The following HRG variants were observed in gnomAD, a reference collection of about 807,000 sequenced individuals.
HRG encodes histidine rich glycoprotein, also known as histidine-rich glycoprotein.
A neutral mutation model predicts 29.5 loss-of-function variants in HRG; 26 were observed. The ratio of observed to expected loss-of-function variants is 0.88; its 90% CI spans 0.65 to 1.22. The LOEUF (loss-of-function observed/expected upper bound fraction) is 1.22, where lower values mean the gene tolerates loss of function less well. Among genes scored for constraint, HRG ranks in the 50% most tolerant of loss-of-function variants. HRG has a pLI of 0.00. For missense variants in HRG, 671 were observed against 654.5 expected (o/e 1.03, Z -0.28); for synonymous variants, 243 against 240.4 (o/e 1.01, Z -0.10).
intron 5 of HRG, chr3:186,673,131 T>G: frequency 2.0e-6 from 1 of 511,018 alleles, no homozygotes; most frequent in Non-Finnish European, 3.6e-6. Context: ...GAGATGGAGT[T>G]TCGCTCTTGT....
chr3:186,668,949 A>G lies in HRG; in HGVS notation c.198A>G (p.Val66=). The G allele has an allele frequency of 2.5e-6, 4 of 1,599,796 alleles. No individual in the cohort carries two copies. The highest frequency in any genetic ancestry group is 3.4e-6 in the Non-Finnish European group (4 of 1,166,816). Residue 66 remains valine, a synonymous_variant, in exon 2 of 7, where the codon GTA becomes GTG. Transcript: ENST00000232003. ...GCATTCCTCAGGAAAATACAACTGT[A>G]TATTACTTAGTCTTAGATGTGCAAG... ...AHLDRVENTT[V]YYLVLDVQES...
intron 5 of HRG, chr3:186,673,190 G>T (rs1342230572): frequency 2.1e-5 from 8 of 377,140 alleles, no homozygotes; most frequent in Non-Finnish European, 3.6e-5. Flanking sequence ...TGCAACCTCC[G>T]CCTCCCGGGT....
intron 6 of HRG, 102 bp downstream of exon 6, chr3:186,675,292 T>TGA (rs1718936909): frequency 1.8e-6 from 1 of 546,806 alleles, no homozygotes; most frequent in African/African-American, 2.5e-5. Flanking sequence ...TGGGTGTGTG[T>TGA]GTGTGTGTGT....
intron 3 of HRG, among the ~76,000 whole-genome samples, chr3:186,671,258 CAT>C (rs1341814873): frequency 2.6e-4 from 38 of 145,100 alleles, no homozygotes; most frequent in African/African-American, 8.9e-4. Flanking sequence ...AATATAAAAA[CAT>C]ATGATATATT....
At chr3:186,676,059 G>A (rs1391708781) in intron 6 of HRG, among the ~76,000 whole-genome samples, 1 of 151,890 alleles carries the variant, frequency 6.6e-6, no homozygotes, top group African/African-American at 2.4e-5. Context: ...AGTAGAGAAG[G>A]GGTTTCTCCA....
chr3:186,669,725 G>C, intron 2 of HRG: 2 of 591,242 alleles, frequency 3.4e-6, no homozygotes, highest in Non-Finnish European at 6.1e-6. Context: ...ATAGTTTCTC[G>C]CTGGTTCTCC....
chr3:186,670,351 A>C (rs1455198726), intron 3 of HRG, among the ~76,000 whole-genome samples: 2 of 152,174 alleles, frequency 1.3e-5, no homozygotes, highest in Non-Finnish European at 2.9e-5. Context: ...TTGAGTCATC[A>C]TCTGCCAGTT....
intron 5 of HRG, 200 bp downstream of exon 5, chr3:186,673,067 G>A (rs184191434): frequency 4.7e-6 from 3 of 643,862 alleles, no homozygotes; most frequent in Non-Finnish European, 5.6e-6. Context: ...TACCTGCCAG[G>A]CACTCTTCTA....
intron 1 of HRG, chr3:186,667,255 C>T (rs1718642081): frequency 6.6e-6 from 1 of 152,114 alleles, no homozygotes; most frequent in Non-Finnish European, 1.5e-5. Flanking sequence ...GTCTTTATGG[C>T]CAGCTCCTAC....
chr3:186,677,784 T>C lies in HRG; in HGVS notation c.1479T>C (p.Asn493=). ...PHHKHPLKPD[N]QPFPQSVSES... ...ACAAACATCCTCTAAAGCCAGACAA[T>C]CAGCCCTTTCCTCAATCAGTCTCTG... Residue 493 remains asparagine (N), a synonymous_variant, in exon 7 of 7, where the codon AAT becomes AAC. Transcript: ENST00000232003. 6.2e-7 allele frequency: 1 copy of C among 1,614,102 alleles called. No individual in the cohort carries two copies. The highest frequency in any genetic ancestry group is 8.5e-7 in the Non-Finnish European group (1 of 1,179,942).
At chr3:186,667,601 G>A (rs1718654437) in intron 1 of HRG, among the ~76,000 whole-genome samples, 1 of 152,052 alleles carries the variant, frequency 6.6e-6, no homozygotes, top group Admixed American at 6.6e-5. Context: ...AGTAAGACTG[G>A]ATGGGAGGAG....
At position 186,669,920 on chromosome 3, in the gene HRG, A is replaced by T. The variant is rs115707463; in HGVS notation, c.301-18A>T. 658 of 1,381,688 alleles carry T rather than the reference A, an allele frequency of 4.8e-4. 2 individuals are homozygous for T. The African/African-American group carries it at 8.0e-3, about 17-fold the overall frequency. 85.6% of individuals were successfully genotyped at this position (1,381,688 alleles called of 1,614,324 possible). ...GATGCAATGACTCAGCAAGTCCTCA[A>T]GAGCCTCTTTCTTACAGGTGATCGG... On this transcript the variant is annotated intron_variant, in intron 2 of 6. Coordinates refer to ENST00000232003, the MANE Select transcript of HRG (RefSeq NM_000412.5).
At chr3:186,669,589 G>A in intron 2 of HRG, 1 of 379,388 alleles carries the variant, frequency 2.6e-6, no homozygotes, top group Non-Finnish European at 5.0e-6. Flanking sequence ...TGACACAGGT[G>A]GAGAACATGA....
rs144723131 is a variant in HRG, at chr3:186,676,163, C to T, written c.742-884C>T. On this transcript the variant is annotated intron_variant, in intron 6 of 6. Coordinates refer to ENST00000232003, the MANE Select transcript of HRG (RefSeq NM_000412.5). Reference sequence around the variant, plus strand: ...GGATTACAGACATGAGCCACCGTGCCCGGCCTCTGTAGCTATTTTTTAAAA... The same window carrying T: ...GGATTACAGACATGAGCCACCGTGCTCGGCCTCTGTAGCTATTTTTTAAAA... 3.9e-5 allele frequency among the ~76,000 whole-genome samples: 6 copies of T among 151,950 alleles called. No individual in the cohort carries two copies. In the East Asian group the frequency reaches 1.2e-3, roughly 29 times the overall value.
rs141595547 is a variant in HRG, at chr3:186,666,093, C to T, written c.62C>T (p.Pro21Leu). The T allele has an allele frequency of 2.0e-5, 33 of 1,614,122 alleles. No individual in the cohort carries two copies. In the Middle Eastern group the frequency reaches 9.9e-4, roughly 48 times the overall value. ...ITLQYSCAVS[P>L]TDCSAVEPEA... is the part of the protein sequence containing the mutation. Reference sequence around the variant, plus strand: ...TTGCAGTATTCGTGTGCCGTGAGTCCCACTGACTGCAGTGCTGTTGAGCCG... The same window carrying T: ...TTGCAGTATTCGTGTGCCGTGAGTCTCACTGACTGCAGTGCTGTTGAGCCG... The change falls in exon 1 of 7, where the codon CCC becomes CTC. Residue 21 changes from proline (P) to leucine (L), a missense_variant. By Grantham distance (98) the Pro-to-Leu change is moderately conservative (BLOSUM62 -3). Coordinates refer to ENST00000232003, the MANE Select transcript of HRG (RefSeq NM_000412.5).
chr3:186,675,300 T>TGAGAGAGAGAGA (rs1367965463), intron 6 of HRG, 110 bp downstream of exon 6: 29 of 602,466 alleles, frequency 4.8e-5, no homozygotes, highest in African/African-American at 1.6e-4. Flanking sequence ...TGTGTGTGTG[T>TGAGAGAGAGAGA]GTGTGTGTGA....
At chr3:186,674,885 C>T in intron 5 of HRG, 4 of 579,160 alleles carry the variant, frequency 6.9e-6, no homozygotes, top group Non-Finnish European at 9.6e-6. Context: ...ACCACAGCAA[C>T]TTTAGTGATA....
intron 6 of HRG, 94 bp downstream of exon 6, chr3:186,675,284 G>GGTGTGT (rs59016663): frequency 7.1e-5 from 38 of 534,794 alleles, no homozygotes; most frequent in African/African-American, 6.7e-4. Flanking sequence ...TCTATGAGTG[G>GGTGTGT]GTGTGTGTGT....
At position 186,677,544 on chromosome 3, in the gene HRG, CTA is replaced by C; in HGVS notation, c.1241_1242del (p.Tyr414TrpfsTer4). ...HHPHCHDFQD[Y>X]GPCDPPPHNQ... ...ATCCCCACTGCCATGATTTCCAAGA[CTA>C]TGGACCTTGTGACCCACCACCCCAT... On this transcript the variant is annotated frameshift_variant, in exon 7 of 7. Coordinates refer to ENST00000232003, the MANE Select transcript of HRG (RefSeq NM_000412.5). LOFTEE classifies it low-confidence loss of function (END_TRUNC). The C allele has an allele frequency of 6.2e-7, 1 of 1,613,382 alleles. No homozygotes were observed. The highest frequency in any genetic ancestry group is 1.1e-5 in the South Asian group (1 of 90,990).
Sources: allele counts gnomAD v4.1 joint callset (sites outside exome capture counted in the v4.1 genomes callset), GRCh38; gene constraint gnomAD v4.1.1; transcripts MANE v1.5; gene names NCBI Gene and HGNC (gene_info 2026-07-23, HGNC 2026-07-21).